FPR2: variants seen among roughly 807,000 people sequenced by gnomAD.
FPR2 encodes the protein N-formyl peptide receptor 2.
FPR2 carries 3 observed loss-of-function variants against 4.0 expected under a neutral mutation model. The ratio of observed to expected loss-of-function variants is 0.74; its 90% CI spans 0.34 to 1.92. The LOEUF is 1.92. Ranked by LOEUF, FPR2 falls within the 30% of genes most tolerant of loss-of-function variation. The pLI is 0.07. For missense variants in FPR2, 372 were observed against 435.7 expected, an observed-to-expected ratio of 0.85 and a Z score of 1.30; for synonymous variants, 179 against 171.5, an observed-to-expected ratio of 1.04 and a Z score of -0.34.
rs747440795 is a variant in FPR2 at position 51,768,982 on chromosome 19, C to A, written c.324C>A (p.Asn108Lys). ...CKLIHIVVDI[N>K]LFGSVFLIGF... is the part of the protein sequence containing the mutation. ...TAATTCACATCGTGGTGGACATCAA[C>A]CTCTTTGGAAGTGTCTTCTTGATTG... The change falls in exon 2 of 2, where the codon AAC (asparagine) becomes AAA (lysine). Residue 108 changes from asparagine (N) to lysine (K), a missense_variant. Physicochemically the swap from Asn to Lys is moderately conservative, Grantham distance 94. Coordinates refer to ENST00000340023, the MANE Select transcript of FPR2 (RefSeq NM_001005738.2). 12 of 1,614,070 alleles carry A rather than the reference C, an allele frequency of 7.4e-6. No individual in the cohort carries two copies. In the African/African-American group the frequency reaches 8.0e-5, roughly 11 times the overall value.
At chr19:51,764,633 G>A (rs1395988809) in intron 1 of FPR2, among the ~76,000 whole-genome samples, 1 of 152,174 alleles carries the variant, frequency 6.6e-6, no homozygotes, top group Non-Finnish European at 1.5e-5. Flanking sequence ...TGTAATCAGA[G>A]ATGATAAAAT....
rs1568646411 is a variant in FPR2 at position 51,769,679 on chromosome 19, T to TC, written c.1022dup (p.Pro342ThrfsTer6). 2 of 1,614,120 alleles carry TC rather than the reference T, an allele frequency of 1.2e-6. No individual in the cohort carries two copies. Among genetic ancestry groups the TC allele is most frequent in the South Asian group, 2.2e-5 (2 of 91,080 alleles). The stretch of plus-strand genomic sequence containing the variant: ...TAATGACACGGCTGCCAATTCTGCT[T>TC]CACCTCCTGCAGAGACTGAGTTACA... On this transcript the variant is annotated frameshift_variant, in exon 2 of 2. Coordinates refer to ENST00000340023, the MANE Select transcript of FPR2 (RefSeq NM_001005738.2). LOFTEE classifies it high-confidence loss of function. The surrounding 1 kb of genome is among the most constrained non-coding windows in gnomAD (Gnocchi z 4.4).
chr19:51,766,666 G>A lies in FPR2; in HGVS notation c.-14-1979G>A, dbSNP rs375252488. Among the ~76,000 whole-genome samples, 35 of 152,232 alleles carry A rather than the reference G, an allele frequency of 2.3e-4. No homozygotes were observed. The South Asian group carries it at 2.9e-3, about 13-fold the overall frequency. ...TCTGGAGTTGTTCATCTCGGTTTCC[G>A]TATCTTGCTGCCTCCACTGACTGGC... On this transcript the variant is annotated intron_variant, in intron 1 of 1. Coordinates refer to ENST00000340023, the MANE Select transcript of FPR2 (RefSeq NM_001005738.2).
rs148745659 is a variant in FPR2 at position 51,769,587 on chromosome 19, G to T, written c.929G>T (p.Arg310Leu). Reference sequence around the variant, plus strand: ...TACGTCTTTGTGGGCCAAGACTTCCGAGAGAGACTGATCCACTCCCTGCCC... The same window carrying T: ...TACGTCTTTGTGGGCCAAGACTTCCTAGAGAGACTGATCCACTCCCTGCCC... ...MLYVFVGQDFRERLIHSLPTS... is the reference protein window; with the variant it reads ...MLYVFVGQDFLERLIHSLPTS... Residue 310 changes from arginine (R) to leucine (L), a missense_variant, in exon 2 of 2, where the codon CGA (arginine) becomes CTA (leucine). Arg to Leu is a moderately radical substitution (Grantham distance 102). Transcript: ENST00000340023. This position sits in a 1 kb window ranked among gnomAD's most constrained non-coding sequence, Gnocchi z 4.4. 1.2e-5 allele frequency: 20 copies of T among 1,614,188 alleles called. No homozygotes were observed. The highest frequency in any genetic ancestry group is 1.6e-5 in the Non-Finnish European group (19 of 1,180,046).
Position 51,769,934 on chromosome 19 carries a change from G to C in FPR2, c.*220G>C, listed in dbSNP as rs1456614077. ...GTTTTTTGACTTCTGCCTATACCCTGGGGTAAGTGGAGTTGGGAAATACAA... is the reference window on the plus strand; with the variant it reads ...GTTTTTTGACTTCTGCCTATACCCTCGGGTAAGTGGAGTTGGGAAATACAA... On this transcript the variant is annotated 3_prime_UTR_variant, in exon 2 of 2. Coordinates refer to ENST00000340023, the MANE Select transcript of FPR2 (RefSeq NM_001005738.2). This position sits in a 1 kb window ranked among gnomAD's most constrained non-coding sequence, Gnocchi z 4.4. The C allele has an allele frequency of 1.1e-5, 6 of 542,998 alleles. No homozygotes were observed. The Admixed American group carries it at 1.6e-4, about 15-fold the overall frequency. The allele number at this position is 542,998 out of a possible 1,614,324, so 33.6% of individuals were successfully genotyped here.
chr19:51,768,503 C>T (rs3764541), intron 1 of FPR2, 142 bp from the exon 2 acceptor site: 33,581 of 661,508 alleles, frequency 0.051, 1,607 homozygotes, highest in South Asian at 0.17. Flanking sequence ...AATTCTATAG[C>T]ACCGTTGTCA....
intron 1 of FPR2, among the ~76,000 whole-genome samples, chr19:51,765,877 G>A (rs2083865270): frequency 6.6e-6 from 1 of 152,162 alleles, no homozygotes; most frequent in African/African-American, 2.4e-5. Flanking sequence ...TCATAGTGAG[G>A]AGACATCACA....
At chr19:51,763,357 C>T (rs1465512516) in intron 1 of FPR2, 1 of 152,104 alleles carries the variant, frequency 6.6e-6, no homozygotes, top group Non-Finnish European at 1.5e-5. Flanking sequence ...CATCTCATGG[C>T]ACAGGAAAAA....
intron 1 of FPR2, among the ~76,000 whole-genome samples, chr19:51,765,948 CAG>C (rs1165477603): frequency 6.6e-6 from 1 of 152,116 alleles, no homozygotes; most frequent in Non-Finnish European, 1.5e-5. Flanking sequence ...ATATTTTAGA[CAG>C]AGTCTCGCTC....
chr19:51,762,372 G>A (rs2083843358), intron 1 of FPR2: 1 of 150,870 alleles, frequency 6.6e-6, no homozygotes, highest in Non-Finnish European at 1.5e-5. Flanking sequence ...ACAGGCATGA[G>A]CCACTCCCGG....
At chr19:51,762,287 C>A (rs1568643378) in intron 1 of FPR2, 1 of 150,484 alleles carries the variant, frequency 6.6e-6, no homozygotes, top group South Asian at 2.1e-4. Flanking sequence ...GGGGTTTCAT[C>A]ATGTTGGGCA....
chr19:51,765,591 T>C (rs4801894), intron 1 of FPR2, among the ~76,000 whole-genome samples: 121,522 of 152,064 alleles, frequency 0.8, 48,657 homozygotes, highest in East Asian at 0.95. Context: ...AAGCTCTTGG[T>C]GTGTGGGTAA....
rs569091105 is a variant in FPR2, at chr19:51,762,260, G to GT, written c.-15+1037dup. Among the ~76,000 whole-genome samples, 43 of 148,806 alleles carry GT rather than the reference G, an allele frequency of 2.9e-4. No homozygotes were observed. In the East Asian group the frequency reaches 7.0e-3, roughly 24 times the overall value. On this transcript the variant is annotated intron_variant, in intron 1 of 1. Coordinates refer to ENST00000340023, the MANE Select transcript of FPR2 (RefSeq NM_001005738.2). ...GCCATCACGCCCAGCTAATTTTTGT[G>GT]TTTTTTTAGTAGAGACGGGGTTTCA...
chr19:51,770,420 AAG>A lies in FPR2; in HGVS notation c.*710_*711del, dbSNP rs1389216341. Reference sequence around the variant, plus strand: ...AAGTTTTCATAGAAAATAAGGAACAAAGAGAAACTTGTAATGGTCTCTGAAAA... The same window carrying A: ...AAGTTTTCATAGAAAATAAGGAACAAAGAAACTTGTAATGGTCTCTGAAAA... On this transcript the variant is annotated 3_prime_UTR_variant, in exon 2 of 2. Transcript: ENST00000340023. 2.4e-5 allele frequency: 4 copies of A among 167,204 alleles called. No homozygotes were observed. Among genetic ancestry groups the A allele is most frequent in the African/African-American group, 9.6e-5 (4 of 41,572 alleles). 10.4% of individuals were successfully genotyped at this position (167,204 alleles called of 1,614,324 possible).
rs200871443 is a variant in FPR2, at chr19:51,769,474, G to C, written c.816G>C (p.Leu272Phe). The change falls in exon 2 of 2, where the codon TTG (leucine) becomes TTC (phenylalanine). Residue 272 changes from leucine to phenylalanine, a missense_variant. Transcript: ENST00000340023. This position sits in a 1 kb window ranked among gnomAD's most constrained non-coding sequence, Gnocchi z 4.4. The part of the protein sequence containing the change: ...LLGTVWLKEM[L>F]FYGKYKIIDI... ...GCACCGTCTGGCTCAAAGAGATGTT[G>C]TTCTATGGCAAGTACAAAATCATTG... 7.2e-5 allele frequency: 117 copies of C among 1,614,074 alleles called. No individual in the cohort carries two copies. Among genetic ancestry groups the C allele is most frequent in the Admixed American group, 2.2e-4 (13 of 60,006 alleles).
chr19:51,765,187 G>A (rs1201441097), intron 1 of FPR2, among the ~76,000 whole-genome samples: 1 of 152,216 alleles, frequency 6.6e-6, no homozygotes, highest in Non-Finnish European at 1.5e-5. Flanking sequence ...TAAGTGTCTT[G>A]TAGAATGTTT....
chr19:51,767,566 CCTT>C (rs1476270845), intron 1 of FPR2, among the ~76,000 whole-genome samples: 3 of 152,078 alleles, frequency 2.0e-5, no homozygotes, highest in South Asian at 4.2e-4. Context: ...AGAAAAGACA[CCTT>C]CTCTGCAGGG....
At position 51,761,201 on chromosome 19, in the gene FPR2, A is replaced by G. The variant is rs2083836117; in HGVS notation, c.-44A>G. 1 of 152,244 alleles carries G rather than the reference A, an allele frequency of 6.6e-6. No homozygotes were observed. The allele number at this position is 152,244 out of a possible 1,614,324, so 9.4% of individuals were successfully genotyped here. On this transcript the variant is annotated 5_prime_UTR_variant, in exon 1 of 2. Transcript: ENST00000340023. ...CGGTGTTGCTCCACAGGAAGCCAAG[A>G]AGCACACAGGAAAAGGAGCTTAGCT...
intron 1 of FPR2, among the ~76,000 whole-genome samples, chr19:51,761,582 C>A (rs776648637): frequency 6.6e-6 from 1 of 152,060 alleles, no homozygotes; most frequent in African/African-American, 2.4e-5. Flanking sequence ...TTGTAAGTCA[C>A]GTGTGTGGCT....
Sources: allele counts gnomAD v4.1 joint callset (sites outside exome capture counted in the v4.1 genomes callset), GRCh38; gene constraint gnomAD v4.1.1; non-coding constraint Gnocchi (gnomAD v3.1); transcripts MANE v1.5; gene names NCBI Gene and HGNC (gene_info 2026-07-23, HGNC 2026-07-21).